Variants in MAP7 observed in about 807,000 individuals in gnomAD.
MAP7 encodes ensconsin.
A neutral mutation model predicts 94.8 loss-of-function variants in MAP7; 52 were observed. That is an observed-to-expected ratio of 0.55 (90% CI 0.44 to 0.69). The LOEUF is 0.69. Ranked by LOEUF, MAP7 falls within the 30% of genes least tolerant of loss-of-function variation. The pLI, the probability that MAP7 is intolerant of heterozygous loss-of-function variation, is 0.00. For synonymous variants in MAP7, 350 were observed against 357.0 expected, an observed-to-expected ratio of 0.98 and a Z score of 0.22; for missense variants, 940 against 964.6, an observed-to-expected ratio of 0.97 and a Z score of 0.34.
intron 1 of MAP7, among the ~76,000 whole-genome samples, chr6:136,456,812 A>AGAAGAAGAAGAG (rs1803216050): frequency 1.0e-5 from 1 of 95,356 alleles, no homozygotes; most frequent in Non-Finnish European, 2.2e-5. Flanking sequence ...AAGAAGAAGA[A>AGAAGAAGAAGAG]GAAGAAGAAG....
rs771130860 is a variant in MAP7, at chr6:136,362,529, G to A, written c.1447C>T (p.Leu483=). 2 of 1,614,134 alleles carry A rather than the reference G, an allele frequency of 1.2e-6. No individual in the cohort carries two copies. Among genetic ancestry groups the A allele is most frequent in the Non-Finnish European group, 1.7e-6 (2 of 1,180,042 alleles). ...TTDPEEATRL[L]AEKRRLAREQ... ...CGGGCCAGCCGCCTCTTCTCAGCTA[G>A]AAGCCTTGTGGCCTCCTCTGGGTCG... The change falls in exon 11 of 18, where the codon CTA becomes TTA. Residue 483 remains leucine (L), a synonymous_variant. Coordinates refer to ENST00000354570, the MANE Select transcript of MAP7 (RefSeq NM_003980.6).
chr6:136,421,949 G>A (rs1259784108), intron 1 of MAP7, 150 bp from the exon 2 acceptor site: 3 of 606,138 alleles, frequency 4.9e-6, no homozygotes, highest in Non-Finnish European at 8.5e-6. Flanking sequence ...TACAACCTGT[G>A]CCCTCAAGGA....
chr6:136,346,466 G>A (rs1787735187), intron 16 of MAP7, among the ~76,000 whole-genome samples: 1 of 152,206 alleles, frequency 6.6e-6, no homozygotes, highest in Non-Finnish European at 1.5e-5. Context: ...GGCAGTCGAG[G>A]TGGGAGGATC....
At chr6:136,353,219 T>C (rs1789726553) in intron 16 of MAP7, among the ~76,000 whole-genome samples, 1 of 152,222 alleles carries the variant, frequency 6.6e-6, no homozygotes, top group African/African-American at 2.4e-5. Flanking sequence ...AAAGCTGAGT[T>C]TTGCTACATA....
At chr6:136,434,619 G>C (rs1160719539) in intron 1 of MAP7, among the ~76,000 whole-genome samples, 1 of 139,152 alleles carries the variant, frequency 7.2e-6, no homozygotes, top group Non-Finnish European at 1.5e-5. Flanking sequence ...TTTTTGAGCT[G>C]TTCAATCTCT....
chr6:136,452,732 T>G (rs942394144), intron 1 of MAP7, among the ~76,000 whole-genome samples: 1 of 152,094 alleles, frequency 6.6e-6, no homozygotes, highest in Non-Finnish European at 1.5e-5. Flanking sequence ...TTTGTATTTT[T>G]AGTAGAGATA....
chr6:136,376,258 C>T (rs567074264), intron 7 of MAP7, among the ~76,000 whole-genome samples: 1 of 152,236 alleles, frequency 6.6e-6, no homozygotes, highest in South Asian at 2.1e-4. Context: ...GCCACCACGC[C>T]CGGCTAATTT....
At chr6:136,440,839 A>C (rs1797638575) in intron 1 of MAP7, among the ~76,000 whole-genome samples, 1 of 151,462 alleles carries the variant, frequency 6.6e-6, no homozygotes, top group East Asian at 1.9e-4. Flanking sequence ...AAAAAAAAAA[A>C]ACCCTCCCCT....
At chr6:136,437,767 C>T (rs974951778) in intron 1 of MAP7, among the ~76,000 whole-genome samples, 1 of 152,072 alleles carries the variant, frequency 6.6e-6, no homozygotes, top group South Asian at 2.1e-4. Context: ...AAAAAAAAAT[C>T]TTCACCCATT....
intron 1 of MAP7, chr6:136,466,875 C>T: frequency 6.5e-7 from 1 of 1,528,050 alleles, no homozygotes; most frequent in Non-Finnish European, 8.7e-7. Flanking sequence ...GACCAAATAT[C>T]AGTGAAGGGG....
Position 136,366,396 on chromosome 6 carries a change from G to A in MAP7, c.920C>T (p.Thr307Ile). ...AGATACAGCCCTTCGGGTGCCAGAT[G>A]TGAGGAAGAGTACATTTTCTCTCTC... Reference protein sequence around the residue: ...ERERENVLFLTSGTRRAVSPS... With the variant: ...ERERENVLFLISGTRRAVSPS... The change falls in exon 9 of 18, where the codon ACA becomes ATA. Residue 307 changes from threonine (T) to isoleucine (I), a missense_variant. Thr to Ile is a moderately conservative substitution (Grantham distance 89). Coordinates refer to ENST00000354570, the MANE Select transcript of MAP7 (RefSeq NM_003980.6). 2 of 1,614,118 alleles carry A rather than the reference G, an allele frequency of 1.2e-6. No individual in the cohort carries two copies. Among genetic ancestry groups the A allele is most frequent in the Non-Finnish European group, 1.7e-6 (2 of 1,179,960 alleles).
At position 136,377,837 on chromosome 6, in the gene MAP7, G is replaced by C. The variant is rs1196845077; in HGVS notation, c.669C>G (p.Ser223Arg). 1 of 1,613,962 alleles carries C rather than the reference G, an allele frequency of 6.2e-7. No individual in the cohort carries two copies. Among genetic ancestry groups the C allele is most frequent in the East Asian group, 2.2e-5 (1 of 44,876 alleles). ...ARRLQLSPWE[S>R]SVVNRLLTPT... Reference sequence around the variant, plus strand: ...GCGTCAGGAGTCTGTTAACAACGCTGCTCTCCCATGGGCTGAGCTGCAGGC... The same window carrying C: ...GCGTCAGGAGTCTGTTAACAACGCTCCTCTCCCATGGGCTGAGCTGCAGGC... The change falls in exon 7 of 18, where the codon AGC becomes AGG. Residue 223 changes from serine (S) to arginine (R), a missense_variant. Physicochemically the swap from Ser to Arg is moderately radical, Grantham distance 110. Coordinates refer to ENST00000354570, the MANE Select transcript of MAP7 (RefSeq NM_003980.6).
chr6:136,514,147 C>A (rs573609547), intron 1 of MAP7, among the ~76,000 whole-genome samples: 2 of 152,284 alleles, frequency 1.3e-5, no homozygotes, highest in South Asian at 4.1e-4. Context: ...TTTCTTTGCC[C>A]AGATCCATCA....
chr6:136,548,756 T>G (rs1466621785), intron 1 of MAP7, among the ~76,000 whole-genome samples: 1 of 152,250 alleles, frequency 6.6e-6, no homozygotes, highest in Admixed American at 6.5e-5. Flanking sequence ...AAGTTTATTT[T>G]TGAGCACAAA....
Position 136,343,000 on chromosome 6 carries a change from A to C in MAP7, c.*1228T>G, listed in dbSNP as rs376537413. ...CAATTTCTCTTTTAATAAAAGCTGC[A>C]CATTACAGTGGTATAAATTTATCTT... On this transcript the variant is annotated 3_prime_UTR_variant, in exon 18 of 18. Transcript: ENST00000354570. 4 of 152,368 alleles carry C rather than the reference A, an allele frequency of 2.6e-5. No homozygotes were observed. Among genetic ancestry groups the C allele is most frequent in the African/African-American group, 9.6e-5 (4 of 41,460 alleles). The allele number at this position is 152,368 out of a possible 1,614,324, so 9.4% of individuals were successfully genotyped here.
chr6:136,390,029 G>A (rs750831576), intron 3 of MAP7, among the ~76,000 whole-genome samples: 1 of 152,172 alleles, frequency 6.6e-6, no homozygotes, highest in Non-Finnish European at 1.5e-5. Flanking sequence ...GGGAAGGACC[G>A]AACAAGCAGG....
chr6:136,496,175 A>C (rs1047422831), intron 1 of MAP7, among the ~76,000 whole-genome samples: 1 of 152,332 alleles, frequency 6.6e-6, no homozygotes, highest in South Asian at 2.1e-4. Flanking sequence ...ATTTGCAAAA[A>C]AATTTAGGTA....
At chr6:136,450,761 G>C (rs1800859694) in intron 1 of MAP7, among the ~76,000 whole-genome samples, 1 of 151,616 alleles carries the variant, frequency 6.6e-6, no homozygotes, top group African/African-American at 2.4e-5. Context: ...TCCAACCTGG[G>C]CAACAAGAGC....
chr6:136,508,530 G>A (rs1240390183), intron 1 of MAP7, among the ~76,000 whole-genome samples: 1 of 152,118 alleles, frequency 6.6e-6, no homozygotes, highest in Non-Finnish European at 1.5e-5. Flanking sequence ...TACTTTTTGT[G>A]AGCCTAACTG....
Sources: allele counts gnomAD v4.1 joint callset (sites outside exome capture counted in the v4.1 genomes callset), GRCh38; gene constraint gnomAD v4.1.1; transcripts MANE v1.5; gene names NCBI Gene and HGNC (gene_info 2026-07-23, HGNC 2026-07-21).